Variants in TSGA13 observed in about 807,000 individuals in gnomAD.
TSGA13 encodes testis-specific gene 13 protein.
A neutral mutation model predicts 35.1 loss-of-function variants in TSGA13; 37 were observed. The observed-to-expected ratio is 1.05, with a 90% confidence interval of 0.81 to 1.39. The LOEUF (loss-of-function observed/expected upper bound fraction) is 1.39. Among genes scored for constraint, TSGA13 ranks in the 40% most tolerant of loss-of-function variants. The pLI is 0.00. For synonymous variants in TSGA13, 124 were observed against 121.2 expected, an observed-to-expected ratio of 1.02 and a Z score of -0.15; for missense variants, 338 against 328.5, an observed-to-expected ratio of 1.03 and a Z score of -0.22.
intron 6 of TSGA13, among the ~76,000 whole-genome samples, chr7:130,672,439 A>G (rs1018951227): frequency 1.3e-5 from 2 of 151,102 alleles, no homozygotes; most frequent in Admixed American, 6.6e-5. Flanking sequence ...TTCCTGTGAT[A>G]TAGCGCCTAA....
chr7:130,673,834 G>C (rs1247606234), intron 5 of TSGA13, among the ~76,000 whole-genome samples: 3 of 152,188 alleles, frequency 2.0e-5, no homozygotes, highest in Non-Finnish European at 4.4e-5. Context: ...GGTGGCTCAT[G>C]CCTGTAATCC....
chr7:130,680,579 G>A (rs952017159), intron 4 of TSGA13, among the ~76,000 whole-genome samples: 6 of 151,844 alleles, frequency 4.0e-5, no homozygotes, highest in African/African-American at 4.8e-5. Flanking sequence ...AGGAAGGGAC[G>A]GTCCCACTAA....
At chr7:130,683,551 C>T (rs1224909736) in intron 3 of TSGA13, 43 bp downstream of exon 3, 101 of 1,585,648 alleles carry the variant, frequency 6.4e-5, no homozygotes, top group Non-Finnish European at 8.3e-5. Context: ...CTAAGCAGCT[C>T]CAAAGAAAAA....
rs369640537 is a variant in TSGA13, at chr7:130,683,199, A to G, written c.102+395T>C. 9.2e-5 allele frequency among the ~76,000 whole-genome samples: 14 copies of G among 152,330 alleles called. 1 individual carries two copies. The highest frequency in any genetic ancestry group is 3.4e-4 in the African/African-American group (14 of 41,582). On this transcript the variant is annotated intron_variant, in intron 3 of 7. Transcript: ENST00000356588. The stretch of plus-strand genomic sequence containing the variant: ...ATGTGTTTTTAGTTTTGTTATGTTG[A>G]ATTTCACTATCTGTGGCTGATTAAA...
chr7:130,678,522 CT>C (rs1796464792), intron 5 of TSGA13, among the ~76,000 whole-genome samples: 1 of 152,194 alleles, frequency 6.6e-6, no homozygotes, highest in Admixed American at 6.5e-5. Flanking sequence ...CCTGACTCAT[CT>C]TTTACTACTT....
At chr7:130,681,856 T>G (rs1584641157) in intron 3 of TSGA13, among the ~76,000 whole-genome samples, 1 of 152,202 alleles carries the variant, frequency 6.6e-6, no homozygotes, top group East Asian at 1.9e-4. Flanking sequence ...TATCTTCTTC[T>G]GGCTTGGCAT....
Position 130,680,985 on chromosome 7 carries a change from A to G in TSGA13, c.135T>C (p.Val45=). 1 of 1,614,178 alleles carries G rather than the reference A, an allele frequency of 6.2e-7. No individual in the cohort carries two copies. The highest frequency in any genetic ancestry group is 8.5e-7 in the Non-Finnish European group (1 of 1,180,016). ...CTGTGTAATGCCGAAGGTTCTCTAGAACAAATTTTGATTGCCCGACTGCAT... is the reference window on the plus strand; with the variant it reads ...CTGTGTAATGCCGAAGGTTCTCTAGGACAAATTTTGATTGCCCGACTGCAT... ...ISDAVGQSKF[V]LENLRHYTVH... The change falls in exon 4 of 8, where the codon GTT becomes GTC. Residue 45 remains valine, a synonymous_variant. Transcript: ENST00000356588.
chr7:130,685,097 G>T, intron 2 of TSGA13, 91 bp downstream of exon 2: 1 of 1,274,792 alleles, frequency 7.8e-7, no homozygotes, highest in Non-Finnish European at 1.1e-6. Context: ...AGTCTACTCT[G>T]TGACCAGCAC....
At chr7:130,674,034 G>A (rs111278848) in intron 5 of TSGA13, among the ~76,000 whole-genome samples, 3,261 of 151,960 alleles carry the variant, frequency 0.021, 92 homozygotes, top group African/African-American at 0.067. Context: ...GTCAGAGGTT[G>A]CAGTGAGCCG....
chr7:130,668,928 G>A lies in TSGA13; in HGVS notation c.*86C>T. 2 of 1,523,714 alleles carry A rather than the reference G, an allele frequency of 1.3e-6. No homozygotes were observed. Among genetic ancestry groups the A allele is most frequent in the Non-Finnish European group, 8.8e-7 (1 of 1,133,830 alleles). 94.4% of individuals were successfully genotyped at this position (1,523,714 alleles called of 1,614,324 possible). ...GACCCGGGAGCCCACGCCCGCAGCA[G>A]CAGGAATGTGGTTTTATTTGGGTGG... On this transcript the variant is annotated 3_prime_UTR_variant, in exon 8 of 8. Coordinates refer to ENST00000356588, the MANE Select transcript of TSGA13 (RefSeq NM_052933.4).
At chr7:130,682,159 G>T (rs1796562624) in intron 3 of TSGA13, among the ~76,000 whole-genome samples, 1 of 151,404 alleles carries the variant, frequency 6.6e-6, no homozygotes, top group Non-Finnish European at 1.5e-5. Flanking sequence ...TCGCTCTGTT[G>T]CCCAGGCTGG....
rs1408126519 is a variant in TSGA13 at position 130,679,448 on chromosome 7, C to A, written c.175-81G>T. ...AACAAATCGGTTGGCTGATACTTAG[C>A]CTCTGTGGGGTAAGAACAGAAGCTG... On this transcript the variant is annotated intron_variant, in intron 4 of 7. Transcript: ENST00000356588. 4.9e-6 allele frequency: 6 copies of A among 1,236,416 alleles called. No homozygotes were observed. The African/African-American group carries it at 7.6e-5, about 16-fold the overall frequency. The allele number at this position is 1,236,416 out of a possible 1,614,324, so 76.6% of individuals were successfully genotyped here.
chr7:130,682,660 A>G (rs1177191255), intron 3 of TSGA13, among the ~76,000 whole-genome samples: 2 of 152,218 alleles, frequency 1.3e-5, no homozygotes, highest in Non-Finnish European at 2.9e-5. Context: ...TAATAAAGCA[A>G]GAGGGCTAAT....
chr7:130,681,417 C>CT (rs1485604313), intron 3 of TSGA13, among the ~76,000 whole-genome samples: 2 of 152,108 alleles, frequency 1.3e-5, no homozygotes, highest in Non-Finnish European at 2.9e-5. Flanking sequence ...CAGGACAAAT[C>CT]TTTAAGGAGA....
chr7:130,681,237 CT>C (rs1796538630), intron 3 of TSGA13, among the ~76,000 whole-genome samples: 1 of 152,176 alleles, frequency 6.6e-6, no homozygotes, highest in African/African-American at 2.4e-5. Flanking sequence ...GACCGTGACA[CT>C]TGTCAGCGGA....
In TSGA13 at chr7:130,685,291, G is replaced by T. The variant is rs1796636455; in HGVS notation, c.-81C>A. 1 of 1,596,988 alleles carries T rather than the reference G, an allele frequency of 6.3e-7. No homozygotes were observed. Among genetic ancestry groups the T allele is most frequent in the Middle Eastern group, 1.7e-4 (1 of 6,020 alleles). ...CAGGTCTCTAAATAGTCCACGTTCT[G>T]CAGGGGTTCAATTCAATCCAAATAT... On this transcript the variant is annotated 5_prime_UTR_variant, in exon 2 of 8. Transcript: ENST00000356588.
chr7:130,675,508 G>A (rs575662539), intron 5 of TSGA13, among the ~76,000 whole-genome samples: 9 of 152,112 alleles, frequency 5.9e-5, no homozygotes, highest in East Asian at 1.9e-4. Context: ...GTTAGCCTCC[G>A]GAGTAGCTAG....
chr7:130,671,757 C>G lies in TSGA13; in HGVS notation c.562G>C (p.Gly188Arg). 6.2e-7 allele frequency: 1 copy of G among 1,601,970 alleles called. No homozygotes were observed. The highest frequency in any genetic ancestry group is 1.7e-5 in the Admixed American group (1 of 59,666). The change falls in exon 7 of 8, where the codon GGG becomes CGG. Residue 188 changes from glycine (G) to arginine (R), a missense_variant. By Grantham distance (125) the Gly-to-Arg change is moderately radical. Coordinates refer to ENST00000356588, the MANE Select transcript of TSGA13 (RefSeq NM_052933.4). ...FSTDNDFKSE[G>R]KYSKVYALRT... The stretch of plus-strand genomic sequence containing the variant: ...AAAGCGTAGACTTTTGAATACTTCC[C>G]TTCGCTCTTGAAATCATTGTCAGTG...
Position 130,669,318 on chromosome 7 carries a change from A to G in TSGA13, c.659-135T>C, listed in dbSNP as rs1796192345. On this transcript the variant is annotated intron_variant, in intron 7 of 7. Coordinates refer to ENST00000356588, the MANE Select transcript of TSGA13 (RefSeq NM_052933.4). ...TTAGAGGGTAGATTTTGGACCGTGT[A>G]ATACCATTCCCAACCTATTTTATAA... 4.1e-6 allele frequency: 4 copies of G among 973,038 alleles called. No homozygotes were observed. The African/African-American group carries it at 6.6e-5, about 16-fold the overall frequency. 60.3% of individuals were successfully genotyped at this position (973,038 alleles called of 1,614,324 possible).
Sources: allele counts gnomAD v4.1 joint callset (sites outside exome capture counted in the v4.1 genomes callset), GRCh38; gene constraint gnomAD v4.1.1; transcripts MANE v1.5; gene names NCBI Gene and HGNC (gene_info 2026-07-23, HGNC 2026-07-21).